Variants in CTNNA2 observed in about 807,000 individuals in gnomAD.
The protein encoded by CTNNA2 is catenin alpha-2.
Under a neutral mutation model 101.0 loss-of-function variants are expected in CTNNA2, and 42 were observed. The observed-to-expected ratio is 0.42, with a 90% CI of 0.32 to 0.54. The LOEUF is 0.54. CTNNA2 is among the 20% of genes least tolerant of loss of function. The pLI is 0.14. For missense variants in CTNNA2, 871 were observed against 1,223.1 expected (o/e 0.71, Z 4.29); for synonymous variants, 450 against 456.4 (o/e 0.99, Z 0.18).
At chr2:80,339,454 A>G (rs1672034068) in intron 7 of CTNNA2, among the ~76,000 whole-genome samples, 1 of 152,332 alleles carries the variant, frequency 6.6e-6, no homozygotes, top group African/African-American at 2.4e-5. Flanking sequence ...AAAAGAAAAA[A>G]ATAGAATACC....
At chr2:79,459,716 G>A (rs1670858403) in intron 4 of CTNNA2, among the ~76,000 whole-genome samples, 1 of 152,112 alleles carries the variant, frequency 6.6e-6, no homozygotes, top group African/African-American at 2.4e-5. Flanking sequence ...AAAATTTACT[G>A]ATTGTTTAAT....
At chr2:80,054,312 TA>T (rs1268873319) in intron 7 of CTNNA2, among the ~76,000 whole-genome samples, 1 of 152,196 alleles carries the variant, frequency 6.6e-6, no homozygotes, top group Non-Finnish European at 1.5e-5. Context: ...TGAGAGACCC[TA>T]AACTAGGAGG....
intron 7 of CTNNA2, among the ~76,000 whole-genome samples, chr2:80,330,857 G>A (rs1671254205): frequency 6.6e-6 from 1 of 152,134 alleles, no homozygotes; most frequent in South Asian, 2.1e-4. Context: ...GAATGGATGT[G>A]GAAATGAGAT....
chr2:79,915,404 A>G (rs1025428430), intron 7 of CTNNA2, among the ~76,000 whole-genome samples: 1 of 152,154 alleles, frequency 6.6e-6, no homozygotes, highest in Non-Finnish European at 1.5e-5. Context: ...CTCTTTACTC[A>G]ATATATTGTG....
chr2:79,532,817 C>CTTG lies in CTNNA2; in HGVS notation c.-6+19611_-6+19613dup, dbSNP rs1672825796. On this transcript the variant is annotated intron_variant, in intron 1 of 18. Coordinates refer to ENST00000402739, the MANE Select transcript of CTNNA2 (RefSeq NM_001282597.3). ...CCTGATTAATTTTTGAAGTTCTAATCTTGCTGAAAAAGCATTCAGTGTGTT... is the reference window on the plus strand; with the variant it reads ...CCTGATTAATTTTTGAAGTTCTAATCTTGTTGCTGAAAAAGCATTCAGTGTGTT... Among the ~76,000 whole-genome samples, 3 of 151,844 alleles carry CTTG rather than the reference C, an allele frequency of 2.0e-5. 1 individual carries two copies. The highest frequency in any genetic ancestry group is 3.4e-3 in the Middle Eastern group (1 of 294).
intron 7 of CTNNA2, among the ~76,000 whole-genome samples, chr2:80,118,998 C>T (rs144711216): frequency 2.0e-5 from 3 of 152,308 alleles, no homozygotes; most frequent in East Asian, 1.9e-4. Context: ...GGATGCAATA[C>T]GCTACCCTCT....
chr2:80,444,548 C>A (rs1682905457), intron 9 of CTNNA2, among the ~76,000 whole-genome samples: 1 of 152,078 alleles, frequency 6.6e-6, no homozygotes, highest in South Asian at 2.1e-4. Flanking sequence ...GTTGATAGGG[C>A]TGAATTGTAC....
At chr2:79,212,245 T>C (rs1334422722) in intron 2 of CTNNA2, among the ~76,000 whole-genome samples, 2 of 152,068 alleles carry the variant, frequency 1.3e-5, no homozygotes, top group African/African-American at 4.8e-5. Context: ...AGGGCATGTA[T>C]GAGTAGTTGA....
intron 7 of CTNNA2, among the ~76,000 whole-genome samples, chr2:80,136,222 G>A (rs371016967): frequency 4.6e-5 from 7 of 152,098 alleles, no homozygotes; most frequent in Non-Finnish European, 7.4e-5. Context: ...ATAGGCCTGC[G>A]GAGGAGGCAA....
At chr2:80,258,528 G>A (rs1672348013) in intron 7 of CTNNA2, among the ~76,000 whole-genome samples, 1 of 152,104 alleles carries the variant, frequency 6.6e-6, no homozygotes, top group Non-Finnish European at 1.5e-5. Context: ...TTATGGTATT[G>A]CACTGGAGTC....
chr2:79,982,368 T>TATATATAACATATATAAC (rs1213694805), intron 7 of CTNNA2, among the ~76,000 whole-genome samples: 1 of 113,576 alleles, frequency 8.8e-6, no homozygotes, highest in Non-Finnish European at 1.8e-5. Flanking sequence ...CTATATAACA[T>TATATATAACATATATAAC]ATATATAACA....
upstream of CTNNA2, chr2:79,512,988 G>C (rs982984352): frequency 2.6e-5 from 4 of 151,898 alleles, no homozygotes; most frequent in African/African-American, 9.7e-5. Context: ...CGGGGCGGGC[G>C]GGGGGAGGGG....
chr2:80,115,539 A>G (rs985047600), intron 7 of CTNNA2, among the ~76,000 whole-genome samples: 1 of 152,210 alleles, frequency 6.6e-6, no homozygotes, highest in African/African-American at 2.4e-5. Flanking sequence ...ATCAAAATTA[A>G]TTGTGCCAGT....
chr2:79,799,154 T>C (rs1675956042), intron 3 of CTNNA2, among the ~76,000 whole-genome samples: 1 of 151,400 alleles, frequency 6.6e-6, no homozygotes, highest in Admixed American at 6.6e-5. Context: ...CAGCTCACAG[T>C]TATAATTCGA....
rs574924497 is a variant in CTNNA2, at chr2:79,858,024, C to A, written c.310C>A (p.Arg104=). The change falls in exon 4 of 19, where the codon CGG becomes AGG. Residue 104 remains arginine, a synonymous_variant. Coordinates refer to ENST00000402739, the MANE Select transcript of CTNNA2 (RefSeq NM_001282597.3). ...EDVRKQGETM[R]IASSEFADDP... is the part of the protein sequence containing the mutation. ...TGTCTGTCTTCCAGGTGAGACGATGCGGATCGCCTCCTCCGAGTTTGCAGA... is the reference window on the plus strand; with the variant it reads ...TGTCTGTCTTCCAGGTGAGACGATGAGGATCGCCTCCTCCGAGTTTGCAGA... 12 of 1,612,600 alleles carry A rather than the reference C, an allele frequency of 7.4e-6. No individual in the cohort carries two copies. The highest frequency in any genetic ancestry group is 4.5e-5 in the East Asian group (2 of 44,822).
At chr2:79,545,145 A>G (rs1673654233) in intron 1 of CTNNA2, among the ~76,000 whole-genome samples, 2 of 151,986 alleles carry the variant, frequency 1.3e-5, no homozygotes, top group South Asian at 4.2e-4. Flanking sequence ...TAGTAATACA[A>G]CTCCTGAATT....
intron 7 of CTNNA2, among the ~76,000 whole-genome samples, chr2:79,928,107 C>T (rs1687150874): frequency 6.6e-6 from 1 of 152,016 alleles, no homozygotes; most frequent in Non-Finnish European, 1.5e-5. Flanking sequence ...TTTAATTGTA[C>T]CTTTTAAATT....
At chr2:80,072,985 C>A (rs114895307) in intron 7 of CTNNA2, among the ~76,000 whole-genome samples, 1 of 152,106 alleles carries the variant, frequency 6.6e-6, no homozygotes, top group South Asian at 2.1e-4. Context: ...TATTTTCGTG[C>A]AGAAATTAAA....
chr2:79,782,238 ATATTT>A (rs1674502405), intron 3 of CTNNA2, among the ~76,000 whole-genome samples: 1 of 151,886 alleles, frequency 6.6e-6, no homozygotes, highest in African/African-American at 2.4e-5. Flanking sequence ...TTTTATTTTT[ATATTT>A]TATTTTTTTG....
Sources: allele counts gnomAD v4.1 joint callset (sites outside exome capture counted in the v4.1 genomes callset), GRCh38; gene constraint gnomAD v4.1.1; transcripts MANE v1.5; gene names NCBI Gene and HGNC (gene_info 2026-07-23, HGNC 2026-07-21).